NME8: variants seen among roughly 807,000 people sequenced by gnomAD.
NME8 encodes the protein protein NME8.
Under a neutral mutation model 82.3 loss-of-function variants are expected in NME8, and 72 were observed. The ratio of observed to expected loss-of-function variants is 0.87; its 90% CI spans 0.72 to 1.06. NME8 has a LOEUF of 1.06. Among genes scored for constraint, NME8 ranks in the 50% least tolerant of loss-of-function variants. The probability of loss-of-function intolerance (pLI) is 0.00; values close to 1 mark genes in which losing one functional copy is unlikely to be tolerated. For missense variants in NME8, 712 were observed against 685.4 expected (o/e 1.04, Z -0.43); for synonymous variants, 267 against 228.5 (o/e 1.17, Z -1.52).
At chr7:37,876,559 AAC>A (rs1178243081) in intron 11 of NME8, among the ~76,000 whole-genome samples, 1 of 152,122 alleles carries the variant, frequency 6.6e-6, no homozygotes, top group African/African-American at 2.4e-5. Context: ...TTTCCTTAAA[AAC>A]ACAAAATTTT....
chr7:37,897,200 C>A (rs1785243354), intron 17 of NME8, 93 bp downstream of exon 17: 1 of 802,022 alleles, frequency 1.2e-6, no homozygotes, highest in Non-Finnish European at 2.1e-6. Flanking sequence ...AGAACTTTTC[C>A]TAAATTCCTG....
At chr7:37,896,781 C>T in intron 16 of NME8, 89 bp from the exon 17 acceptor site, 3 of 1,079,846 alleles carry the variant, frequency 2.8e-6, no homozygotes, top group Non-Finnish European at 4.3e-6. Context: ...AGCTCCCTGG[C>T]TCAGGCTGCA....
intron 2 of NME8, among the ~76,000 whole-genome samples, chr7:37,849,631 G>A (rs536281276): frequency 2.6e-5 from 4 of 152,234 alleles, no homozygotes; most frequent in African/African-American, 9.6e-5. Context: ...AGCACTCTGG[G>A]AGGCTGAGGT....
At chr7:37,895,570 T>G (rs1785213494) in intron 16 of NME8, among the ~76,000 whole-genome samples, 1 of 152,174 alleles carries the variant, frequency 6.6e-6, no homozygotes, top group South Asian at 2.1e-4. Flanking sequence ...GTGAACATCA[T>G]TATCGATTTA....
intron 13 of NME8, among the ~76,000 whole-genome samples, chr7:37,884,819 G>C (rs960925163): frequency 3.3e-5 from 5 of 152,120 alleles, no homozygotes; most frequent in Admixed American, 6.6e-5. Context: ...AAATGTGCTG[G>C]GTTTCTTTCT....
chr7:37,890,212 A>G (rs1480893278), intron 15 of NME8, among the ~76,000 whole-genome samples: 1 of 151,948 alleles, frequency 6.6e-6, no homozygotes, highest in East Asian at 1.9e-4. Flanking sequence ...CATAAAATCC[A>G]TAAAGGCAGA....
chr7:37,896,383 G>GAC (rs1785229793), intron 16 of NME8, among the ~76,000 whole-genome samples: 1 of 151,826 alleles, frequency 6.6e-6, no homozygotes, highest in South Asian at 2.1e-4. Flanking sequence ...GTGCAGACCA[G>GAC]ACAACAGCCT....
chr7:37,854,024 T>TA (rs1784474768), intron 5 of NME8, among the ~76,000 whole-genome samples: 1 of 151,482 alleles, frequency 6.6e-6, no homozygotes, highest in Non-Finnish European at 1.5e-5. Flanking sequence ...AGTTGACCCT[T>TA]ACCAATGCTG....
chr7:37,848,923 T>TAG lies in NME8; in HGVS notation c.-140_-139dup, dbSNP rs1381756784. Reference sequence around the variant, plus strand: ...TCAGCCTCGGGCCCTACCAGGGTCCTAGGTACTGGAATGGAACTTCGCCGA... The same window carrying TAG: ...TCAGCCTCGGGCCCTACCAGGGTCCTAGAGGTACTGGAATGGAACTTCGCCGA... On this transcript the variant is annotated 5_prime_UTR_variant, in exon 2 of 18. Transcript: ENST00000199447. 6.6e-6 allele frequency: 1 copy of TAG among 152,288 alleles called. No homozygotes were observed. Among genetic ancestry groups the TAG allele is most frequent in the Non-Finnish European group, 1.5e-5 (1 of 68,134 alleles). The allele number at this position is 152,288 out of a possible 1,614,324, so 9.4% of individuals were successfully genotyped here.
At chr7:37,887,631 T>C (rs2131969957) in intron 14 of NME8, among the ~76,000 whole-genome samples, 1 of 152,284 alleles carries the variant, frequency 6.6e-6, no homozygotes, top group African/African-American at 2.4e-5. Flanking sequence ...CTCTGAGCTT[T>C]TTCACTGCAC....
chr7:37,855,160 C>T (rs537077490), intron 5 of NME8, among the ~76,000 whole-genome samples: 16 of 152,178 alleles, frequency 1.1e-4, no homozygotes, highest in East Asian at 5.8e-4. Flanking sequence ...CCTTTGATGT[C>T]GACCTCATGG....
At chr7:37,894,388 C>T (rs1170427362) in intron 15 of NME8, 78 bp from the exon 16 acceptor site, 2 of 1,420,382 alleles carry the variant, frequency 1.4e-6, no homozygotes, top group East Asian at 2.3e-5. Context: ...TATCATTTTC[C>T]TTAGTTATTT....
At chr7:37,887,669 G>A (rs1583643215) in intron 14 of NME8, among the ~76,000 whole-genome samples, 3 of 152,266 alleles carry the variant, frequency 2.0e-5, no homozygotes, top group African/African-American at 7.2e-5. Flanking sequence ...CTGTTCTCAT[G>A]CTGCTATGAA....
At chr7:37,862,976 C>T (rs1243657868) in intron 7 of NME8, among the ~76,000 whole-genome samples, 3 of 151,780 alleles carry the variant, frequency 2.0e-5, no homozygotes, top group Non-Finnish European at 2.9e-5. Context: ...AAAAATTAGC[C>T]GGGCATGGTG....
intron 15 of NME8, among the ~76,000 whole-genome samples, chr7:37,889,017 A>G (rs1407472502): frequency 3.3e-5 from 5 of 151,904 alleles, no homozygotes; most frequent in Admixed American, 3.3e-4. Context: ...CAGCACTGAG[A>G]TTGGTATTTG....
chr7:37,867,660 T>C, intron 10 of NME8, 42 bp from the exon 11 acceptor site: 1 of 1,525,960 alleles, frequency 6.6e-7, no homozygotes, highest in East Asian at 2.3e-5. Flanking sequence ...GTCCATCCAT[T>C]TCAGGAGCCT....
At chr7:37,891,804 G>C (rs1036556823) in intron 15 of NME8, among the ~76,000 whole-genome samples, 1 of 151,928 alleles carries the variant, frequency 6.6e-6, no homozygotes, top group African/African-American at 2.4e-5. Context: ...AAAAAGTTGG[G>C]ATGGATAGGC....
At chr7:37,872,115 C>G (rs1421984685) in intron 11 of NME8, among the ~76,000 whole-genome samples, 1 of 151,634 alleles carries the variant, frequency 6.6e-6, no homozygotes, top group Admixed American at 6.6e-5. Context: ...CAGACAACCA[C>G]AGACCCTGAG....
At position 37,880,746 on chromosome 7, in the gene NME8, T is replaced by C. The variant is rs559121126; in HGVS notation, c.995-3557T>C. On this transcript the variant is annotated intron_variant, in intron 12 of 17. Coordinates refer to ENST00000199447, the MANE Select transcript of NME8 (RefSeq NM_016616.5). ...AAGTTGGGAAAAACTGACATCTTCATATTAAGTCTTGTTATCTATGAATAT... is the reference window on the plus strand; with the variant it reads ...AAGTTGGGAAAAACTGACATCTTCACATTAAGTCTTGTTATCTATGAATAT... Among the ~76,000 whole-genome samples, 70 of 152,348 alleles carry C rather than the reference T, an allele frequency of 4.6e-4. 1 individual carries two copies. Among genetic ancestry groups the C allele is most frequent in the Middle Eastern group, 3.4e-3 (1 of 294 alleles).
Sources: gnomAD v4.1 joint callset for allele counts (sites outside exome capture counted in the v4.1 genomes callset) on GRCh38, gnomAD v4.1.1 for gene constraint, MANE v1.5 for transcripts, NCBI Gene and HGNC (gene_info 2026-07-23, HGNC 2026-07-21) for gene names.